Variants in LYPLAL1 observed in about 807,000 individuals in gnomAD.
The protein encoded by LYPLAL1 is lysophospholipase-like protein 1.
In LYPLAL1, 23 loss-of-function variants were observed where a neutral mutation model predicts 19.7. The ratio of observed to expected loss-of-function variants is 1.17; its 90% CI spans 0.84 to 1.65. The LOEUF (loss-of-function observed/expected upper bound fraction) is 1.65, where lower values mean the gene tolerates loss of function less well. Ranked by LOEUF, LYPLAL1 falls within the 40% of genes most tolerant of loss-of-function variation. The pLI is 0.00. For synonymous variants in LYPLAL1, 119 were observed against 96.3 expected, an observed-to-expected ratio of 1.24 and a Z score of -1.38; for missense variants, 355 against 279.4, an observed-to-expected ratio of 1.27 and a Z score of -1.93.
At chr1:219,389,442 T>C in the LYPLAL1 span, among the ~76,000 whole-genome samples, 1 of 152,126 alleles carries the variant, frequency 6.6e-6, no homozygotes, top group African/African-American at 2.4e-5. Flanking sequence ...TAGATGGAGA[T>C]TTAAAGTTAT....
Position 219,191,104 on chromosome 1 carries a change from G to C in LYPLAL1, c.192-1978G>C, listed in dbSNP as rs568695402. Among the ~76,000 whole-genome samples the C allele has an allele frequency of 1.6e-4, 25 of 151,672 alleles. No homozygotes were observed. In the South Asian group the frequency reaches 5.2e-3, roughly 31 times the overall value. ...CTTAAATGGTAACATTTTAATGTAT[G>C]TCAGCACCTACTGCTATTACTGCTG... On this transcript the variant is annotated intron_variant, in intron 2 of 4. Coordinates refer to ENST00000366928, the MANE Select transcript of LYPLAL1 (RefSeq NM_138794.5).
the LYPLAL1 span, among the ~76,000 whole-genome samples, chr1:219,390,396 C>T: frequency 6.6e-6 from 1 of 152,146 alleles, no homozygotes; most frequent in Non-Finnish European, 1.5e-5. Flanking sequence ...CATTAAATAA[C>T]CAAGGAAGAT....
the LYPLAL1 span, among the ~76,000 whole-genome samples, chr1:219,304,591 T>G: frequency 6.6e-6 from 1 of 152,234 alleles, no homozygotes; most frequent in South Asian, 2.1e-4. Context: ...AATCCATTCC[T>G]TTAACAAATT....
chr1:219,310,226 T>C, the LYPLAL1 span, among the ~76,000 whole-genome samples: 12 of 152,264 alleles, frequency 7.9e-5, no homozygotes, highest in Non-Finnish European at 1.6e-4. Flanking sequence ...AGGGAATGTT[T>C]TTGACTGTTT....
chr1:219,268,384 T>C, the LYPLAL1 span, among the ~76,000 whole-genome samples: 1 of 152,142 alleles, frequency 6.6e-6, no homozygotes, highest in African/African-American at 2.4e-5. Flanking sequence ...ATGGAGTAGC[T>C]AGCACAAAGG....
chr1:219,417,023 A>G, the LYPLAL1 span, among the ~76,000 whole-genome samples: 2 of 152,214 alleles, frequency 1.3e-5, no homozygotes, highest in African/African-American at 4.8e-5. Flanking sequence ...GTCACTTATT[A>G]CTATTAACCT....
the LYPLAL1 span, among the ~76,000 whole-genome samples, chr1:219,284,555 G>T: frequency 6.6e-6 from 1 of 152,004 alleles, no homozygotes; most frequent in Non-Finnish European, 1.5e-5. Flanking sequence ...ATATTAAATG[G>T]ATTCTCATAG....
chr1:219,414,237 G>C, the LYPLAL1 span, among the ~76,000 whole-genome samples: 9 of 152,244 alleles, frequency 5.9e-5, no homozygotes, highest in East Asian at 1.7e-3. Flanking sequence ...TTAAGTTTTA[G>C]TTTTATCTCT....
the LYPLAL1 span, among the ~76,000 whole-genome samples, chr1:219,419,737 G>C: frequency 2.0e-5 from 3 of 152,146 alleles, no homozygotes; most frequent in African/African-American, 7.2e-5. Flanking sequence ...GACTGTGGGG[G>C]TAGGGGGTCC....
At chr1:219,355,531 C>A in the LYPLAL1 span, among the ~76,000 whole-genome samples, 3 of 151,968 alleles carry the variant, frequency 2.0e-5, no homozygotes, top group African/African-American at 7.3e-5. Context: ...CAAGACCTGG[C>A]TAACTAGCTT....
the LYPLAL1 span, among the ~76,000 whole-genome samples, chr1:219,399,945 T>G: frequency 6.6e-6 from 1 of 151,928 alleles, no homozygotes; most frequent in African/African-American, 2.4e-5. Context: ...GCTGGCTTGC[T>G]GACCCTACCA....
the LYPLAL1 span, among the ~76,000 whole-genome samples, chr1:219,347,790 A>C: frequency 2.0e-5 from 3 of 152,096 alleles, no homozygotes; most frequent in African/African-American, 7.2e-5. Context: ...TGGATGAGAC[A>C]GGTCAATTGG....
chr1:219,351,786 T>G, the LYPLAL1 span, among the ~76,000 whole-genome samples: 1 of 152,226 alleles, frequency 6.6e-6, no homozygotes, highest in Non-Finnish European at 1.5e-5. Context: ...AATTAGGGCA[T>G]TGAATGAATA....
At chr1:219,261,985 A>T in the LYPLAL1 span, among the ~76,000 whole-genome samples, 1 of 152,120 alleles carries the variant, frequency 6.6e-6, no homozygotes, top group Non-Finnish European at 1.5e-5. Flanking sequence ...AACACTAATT[A>T]TTCTTAGGTT....
chr1:219,268,065 A>G, the LYPLAL1 span, among the ~76,000 whole-genome samples: 5 of 152,352 alleles, frequency 3.3e-5, no homozygotes, highest in Admixed American at 2.6e-4. Flanking sequence ...AGCACTTACT[A>G]TGTGTTAGGC....
the LYPLAL1 span, among the ~76,000 whole-genome samples, chr1:219,305,443 A>G: frequency 2.0e-5 from 3 of 152,160 alleles, no homozygotes; most frequent in Non-Finnish European, 4.4e-5. Flanking sequence ...ACAGCCGAAG[A>G]TGCCTCCCCC....
At chr1:219,345,555 G>T in the LYPLAL1 span, among the ~76,000 whole-genome samples, 1 of 152,128 alleles carries the variant, frequency 6.6e-6, no homozygotes, top group African/African-American at 2.4e-5. Flanking sequence ...GTGTGCTGCT[G>T]GAAATACATT....
At chr1:219,421,342 G>A in the LYPLAL1 span, among the ~76,000 whole-genome samples, 1 of 152,082 alleles carries the variant, frequency 6.6e-6, no homozygotes, top group Non-Finnish European at 1.5e-5. Flanking sequence ...TTCACTATAG[G>A]AAAACCAGAT....
chr1:219,339,959 TTTCTC>T, the LYPLAL1 span, among the ~76,000 whole-genome samples: 1 of 152,056 alleles, frequency 6.6e-6, no homozygotes, highest in South Asian at 2.1e-4. Context: ...TGTTCATCAA[TTTCTC>T]CCTTTCCAAT....
Sources: allele counts gnomAD v4.1 joint callset (sites outside exome capture counted in the v4.1 genomes callset), GRCh38; gene constraint gnomAD v4.1.1; transcripts MANE v1.5; gene names NCBI Gene and HGNC (gene_info 2026-07-23, HGNC 2026-07-21).